PARP15: variants seen among roughly 807,000 people sequenced by gnomAD.
PARP15 encodes the protein protein mono-ADP-ribosyltransferase PARP15.
Under a neutral mutation model 62.1 loss-of-function variants are expected in PARP15, and 50 were observed. The ratio of observed to expected loss-of-function variants is 0.81; its 90% CI spans 0.64 to 1.02. The LOEUF (loss-of-function observed/expected upper bound fraction) is 1.02, where lower values mean the gene tolerates loss of function less well. Among genes scored for constraint, PARP15 ranks in the 50% least tolerant of loss-of-function variants. The probability of loss-of-function intolerance (pLI) is 0.00; values close to 1 mark genes in which losing one functional copy is unlikely to be tolerated. For synonymous variants in PARP15, 309 were observed against 293.1 expected (o/e 1.05, Z -0.55); for missense variants, 820 against 826.5 (o/e 0.99, Z 0.10).
chr3:122,595,775 C>T (rs534170163), intron 1 of PARP15, among the ~76,000 whole-genome samples: 2 of 152,162 alleles, frequency 1.3e-5, no homozygotes, highest in South Asian at 2.1e-4. Context: ...TCTAGCAATC[C>T]GCCTGCCTTG....
Position 122,616,825 on chromosome 3 carries a change from G to A in PARP15, c.851-190G>A, listed in dbSNP as rs1459719222. 3.9e-5 allele frequency among the ~76,000 whole-genome samples: 6 copies of A among 152,196 alleles called. No individual in the cohort carries two copies. In the East Asian group the frequency reaches 5.8e-4, roughly 15 times the overall value. ...ATGTAGATATGCTTACTGTCACAAA[G>A]CGTTATTTTCTAATTTCCTTTAAAA... On this transcript the variant is annotated intron_variant, in intron 5 of 11. Coordinates refer to ENST00000464300, the MANE Select transcript of PARP15 (RefSeq NM_001113523.3).
chr3:122,612,894 GTT>G (rs1935674804), intron 3 of PARP15, 145 bp from the exon 4 acceptor site: 2 of 680,832 alleles, frequency 2.9e-6, no homozygotes, highest in South Asian at 3.8e-5. Flanking sequence ...ACTCTGCCCT[GTT>G]TTTGTTTCCT....
chr3:122,633,991 C>T (rs1937206172), intron 10 of PARP15, among the ~76,000 whole-genome samples: 1 of 152,176 alleles, frequency 6.6e-6, no homozygotes, highest in African/African-American at 2.4e-5. Context: ...TTGCTTCCTC[C>T]AGTCAACCCC....
At chr3:122,615,321 G>A (rs1935883710) in intron 4 of PARP15, 1 of 1,290,726 alleles carries the variant, frequency 7.7e-7, no homozygotes, top group East Asian at 5.5e-5. Flanking sequence ...GAAGCATACT[G>A]TATGTATTTG....
chr3:122,633,105 G>T (rs1937151537), intron 10 of PARP15, among the ~76,000 whole-genome samples: 1 of 152,126 alleles, frequency 6.6e-6, no homozygotes, highest in Non-Finnish European at 1.5e-5. Flanking sequence ...TTATAAAGTG[G>T]TACTTTGTAA....
Position 122,613,707 on chromosome 3 carries a change from G to A in PARP15, c.771+439G>A, listed in dbSNP as rs757420320. ...TATTCAGCAGTGGAGAAGCAGTCAA[G>A]GCACACTAACTAAGTAGTTCCCACT... On this transcript the variant is annotated intron_variant, in intron 4 of 11. Transcript: ENST00000464300. 2.6e-5 allele frequency among the ~76,000 whole-genome samples: 4 copies of A among 151,822 alleles called. No homozygotes were observed. The South Asian group carries it at 6.2e-4, about 24-fold the overall frequency.
At chr3:122,596,882 G>T (rs1285313830) in intron 1 of PARP15, among the ~76,000 whole-genome samples, 1 of 152,216 alleles carries the variant, frequency 6.6e-6, no homozygotes, top group Non-Finnish European at 1.5e-5. Context: ...CAGATATTAG[G>T]ATCTTCCTCA....
chr3:122,605,819 T>G, intron 1 of PARP15, 117 bp from the exon 2 acceptor site: 1 of 1,022,520 alleles, frequency 9.8e-7, no homozygotes, highest in Non-Finnish European at 1.4e-6. Context: ...TGGGCTCAAG[T>G]GATTCTCCCA....
rs1412576650 is a variant in PARP15, at chr3:122,632,079, T to G, written c.1439-7T>G. ...TGTTGTGTTTTGACCAAATGCTGAC[T>G]TTCCAGGTAATCTTCCTGAACACTG... On this transcript the variant is annotated splice_polypyrimidine_tract_variant and splice_region_variant and intron_variant, in intron 9 of 11. Transcript: ENST00000464300. 1 of 1,614,070 alleles carries G rather than the reference T, an allele frequency of 6.2e-7. No individual in the cohort carries two copies. Among genetic ancestry groups the G allele is most frequent in the Non-Finnish European group, 8.5e-7 (1 of 1,179,960 alleles).
intron 1 of PARP15, among the ~76,000 whole-genome samples, chr3:122,593,753 G>A (rs1286512292): frequency 1.3e-5 from 2 of 152,032 alleles, no homozygotes; most frequent in East Asian, 3.9e-4. Context: ...GCCCCAAACT[G>A]GGAAATCAAT....
rs1233820642 is a variant in PARP15 at position 122,626,893 on chromosome 3, C to G, written c.1298C>G (p.Ser433Ter). ...ATCGATGCTATTGTAGACTTCTCAT[C>G]ACAACATTCCACCCCATCATTAAAA... ...NIIDAIVDFS[S>*]QHSTPSLKTV... The change falls in exon 9 of 12, where the codon TCA (serine) becomes TGA (stop). Residue 433 changes from serine to a stop codon, truncating the protein, a stop_gained. Transcript: ENST00000464300. LOFTEE classifies it high-confidence loss of function. 6.2e-7 allele frequency: 1 copy of G among 1,614,086 alleles called. No homozygotes were observed. Among genetic ancestry groups the G allele is most frequent in the Non-Finnish European group, 8.5e-7 (1 of 1,179,984 alleles).
At chr3:122,604,993 G>T (rs572925397) in intron 1 of PARP15, among the ~76,000 whole-genome samples, 10 of 152,218 alleles carry the variant, frequency 6.6e-5, no homozygotes, top group African/African-American at 1.7e-4. Context: ...CCGAGATCAC[G>T]CTACTTCACT....
intron 6 of PARP15, 50 bp from the exon 7 acceptor site, chr3:122,619,731 A>G: frequency 6.9e-7 from 1 of 1,449,904 alleles, no homozygotes; most frequent in South Asian, 1.1e-5. Context: ...AACTATAACC[A>G]CTTATTGAAT....
intron 9 of PARP15, among the ~76,000 whole-genome samples, chr3:122,628,299 C>T (rs751046478): frequency 3.3e-5 from 5 of 152,106 alleles, no homozygotes; most frequent in Non-Finnish European, 5.9e-5. Flanking sequence ...ATTACACTGG[C>T]CAAGCCAGAG....
Position 122,593,726 on chromosome 3 carries a change from CT to C in PARP15, c.187-12207del, listed in dbSNP as rs1376662916. 2.0e-5 allele frequency among the ~76,000 whole-genome samples: 3 copies of C among 152,158 alleles called. No homozygotes were observed. The East Asian group carries it at 5.8e-4, about 29-fold the overall frequency. ...TTTCTTCTGTGTTCACTCCCTCAGC[CT>C]TTCCCAGCCCCACCTGCCCCAAACT... On this transcript the variant is annotated intron_variant, in intron 1 of 11. Transcript: ENST00000464300.
chr3:122,596,605 C>G (rs139552003), intron 1 of PARP15, among the ~76,000 whole-genome samples: 1 of 152,126 alleles, frequency 6.6e-6, no homozygotes, highest in Non-Finnish European at 1.5e-5. Context: ...AATCTGATCA[C>G]TTGTCAAATA....
chr3:122,585,586 C>T (rs368980423), intron 1 of PARP15, among the ~76,000 whole-genome samples: 11 of 152,322 alleles, frequency 7.2e-5, no homozygotes, highest in East Asian at 3.9e-4. Context: ...TGGTTGCACA[C>T]TTGGGTGTTC....
rs760975063 is a variant in PARP15 at position 122,626,807 on chromosome 3, TCA to T, written c.1232-19_1232-18del. 46 of 1,603,152 alleles carry T rather than the reference TCA, an allele frequency of 2.9e-5. No homozygotes were observed. The highest frequency in any genetic ancestry group is 6.9e-5 in the Admixed American group (4 of 57,826). On this transcript the variant is annotated intron_variant, in intron 8 of 11. Transcript: ENST00000464300. ...AGCAACATCGGGGGAAACTTCTTTGTCATTAAATTTTTTTTTCAGGAAATGCC... is the reference window on the plus strand; with the variant it reads ...AGCAACATCGGGGGAAACTTCTTTGTTTAAATTTTTTTTTCAGGAAATGCC...
chr3:122,580,003 A>ATATG (rs1186850532), intron 1 of PARP15, among the ~76,000 whole-genome samples: 6,863 of 94,080 alleles, frequency 0.073, 355 homozygotes, highest in African/African-American at 0.1. Flanking sequence ...CTATATGTAT[A>ATATG]TATATATATA....
Sources: allele counts gnomAD v4.1 joint callset (sites outside exome capture counted in the v4.1 genomes callset), GRCh38; gene constraint gnomAD v4.1.1; transcripts MANE v1.5; gene names NCBI Gene and HGNC (gene_info 2026-07-23, HGNC 2026-07-21).